Variants in C3orf52 observed in about 807,000 individuals in gnomAD.
C3orf52 encodes the protein TPA-induced transmembrane protein.
A neutral mutation model predicts 24.8 loss-of-function variants in C3orf52; 22 were observed. That is an observed-to-expected ratio of 0.89 (90% CI 0.63 to 1.27). The LOEUF is 1.27. C3orf52 is among the 50% of genes most tolerant of loss of function. C3orf52 has a pLI of 0.00. For missense variants in C3orf52, 265 were observed against 260.7 expected, an observed-to-expected ratio of 1.02 and a Z score of -0.11; for synonymous variants, 93 against 100.2, an observed-to-expected ratio of 0.93 and a Z score of 0.43.
chr3:112,089,420 C>T (rs2107772882), intron 1 of C3orf52, among the ~76,000 whole-genome samples: 1 of 150,692 alleles, frequency 6.6e-6, no homozygotes, highest in South Asian at 2.1e-4. Flanking sequence ...CCTAGCTACT[C>T]AGGAAGGCTG....
chr3:112,127,182 GA>G, intron 4 of C3orf52: 1 of 540,914 alleles, frequency 1.8e-6, no homozygotes, highest in Non-Finnish European at 3.2e-6. Flanking sequence ...AAGTAAAAAA[GA>G]AAAAAGTAAA....
intron 1 of C3orf52, among the ~76,000 whole-genome samples, chr3:112,088,522 G>A (rs1011935424): frequency 1.3e-5 from 2 of 152,214 alleles, no homozygotes; most frequent in Admixed American, 1.3e-4. Context: ...ATTCTGGTTT[G>A]TCAGATTGAA....
At chr3:112,126,024 G>A (rs899521119) in intron 4 of C3orf52, among the ~76,000 whole-genome samples, 3 of 152,080 alleles carry the variant, frequency 2.0e-5, no homozygotes, top group Admixed American at 1.3e-4. Flanking sequence ...ACATTCTCTC[G>A]GTCCTCACAT....
At chr3:112,102,048 T>C (rs1411591173) in intron 2 of C3orf52, among the ~76,000 whole-genome samples, 1 of 152,148 alleles carries the variant, frequency 6.6e-6, no homozygotes, top group African/African-American at 2.4e-5. Flanking sequence ...CCTGGGGCTC[T>C]GAATATAGTT....
chr3:112,119,372 TAACAAACAAACA>T (rs61174992), downstream of C3orf52: 2 of 681,538 alleles, frequency 2.9e-6, no homozygotes, highest in East Asian at 2.7e-5. Context: ...TGAAACTCCA[TAACAAACAAACA>T]AACAAACAAA....
downstream of C3orf52, chr3:112,132,676 G>C: frequency 1.6e-5 from 16 of 987,400 alleles, no homozygotes; most frequent in Non-Finnish European, 1.9e-5. Flanking sequence ...GACTCAAGGT[G>C]GCAGGAAGCT....
Position 112,117,104 on chromosome 3 carries a change from A to G in C3orf52, c.*458A>G. The G allele has an allele frequency of 1.6e-6, 1 of 617,874 alleles. No homozygotes were observed. The highest frequency in any genetic ancestry group is 2.2e-5 in the South Asian group (1 of 46,098). 38.3% of individuals were successfully genotyped at this position (617,874 alleles called of 1,614,324 possible). On this transcript the variant is annotated 3_prime_UTR_variant, in exon 6 of 6. Transcript: ENST00000264848. ...GGTGCACTGTCTTCTTTTAGGTGGG[A>G]TCGCGTAAGCATGAGCTGGTAGAGC...
At chr3:112,105,922 C>T (rs1282440067) in intron 3 of C3orf52, among the ~76,000 whole-genome samples, 1 of 152,154 alleles carries the variant, frequency 6.6e-6, no homozygotes, top group Non-Finnish European at 1.5e-5. Flanking sequence ...TCCAAAACCC[C>T]CACCTTGGGT....
chr3:112,096,182 A>G (rs1229057092), intron 2 of C3orf52, among the ~76,000 whole-genome samples: 1 of 152,200 alleles, frequency 6.6e-6, no homozygotes, highest in Non-Finnish European at 1.5e-5. Context: ...TTTGTTCTTC[A>G]GTAGGCAGGT....
chr3:112,109,606 G>A lies in C3orf52; in HGVS notation c.460G>A (p.Asp154Asn). 1 of 1,586,706 alleles carries A rather than the reference G, an allele frequency of 6.3e-7. No individual in the cohort carries two copies. Among genetic ancestry groups the A allele is most frequent in the African/African-American group, 1.3e-5 (1 of 74,496 alleles). Residue 154 changes from aspartate to asparagine, a missense_variant, in exon 4 of 6, where the codon GAC becomes AAC. By Grantham distance (23) the Asp-to-Asn change is conservative. Coordinates refer to ENST00000264848, the MANE Select transcript of C3orf52 (RefSeq NM_024616.3). ...GRYFTSVEIVDFSGENATVTY... is the reference protein window; with the variant it reads ...GRYFTSVEIVNFSGENATVTY... ...TTATTTTACTTCAGTTGAAATAGTG[G>A]ACTTCAGGTAAGAGTGTGGAACATT... is the stretch of plus-strand genomic sequence containing the variant.
At chr3:112,126,116 T>C (rs1159073758) in intron 4 of C3orf52, among the ~76,000 whole-genome samples, 1 of 152,200 alleles carries the variant, frequency 6.6e-6, no homozygotes, top group South Asian at 2.1e-4. Context: ...ATCTTCAGCA[T>C]AGAGTTTTAG....
At chr3:112,104,299 A>T (rs763453916) in intron 3 of C3orf52, among the ~76,000 whole-genome samples, 1 of 152,194 alleles carries the variant, frequency 6.6e-6, no homozygotes, top group Non-Finnish European at 1.5e-5. Flanking sequence ...TCATCCTGTC[A>T]AAGACAAGGT....
downstream of C3orf52, chr3:112,130,863 A>G (rs2107814335): frequency 3.3e-6 from 1 of 306,586 alleles, no homozygotes; most frequent in Non-Finnish European, 6.3e-6. Flanking sequence ...TCTTTGGTGC[A>G]GTTCCAGGAG....
chr3:112,088,685 A>G (rs71315895), intron 1 of C3orf52, among the ~76,000 whole-genome samples: 157 of 151,992 alleles, frequency 1.0e-3, no homozygotes, highest in Middle Eastern at 3.4e-3. Flanking sequence ...CTATCTATCT[A>G]TTATCTATCA....
At chr3:112,091,844 T>A (rs896079558) in intron 1 of C3orf52, among the ~76,000 whole-genome samples, 1 of 151,812 alleles carries the variant, frequency 6.6e-6, no homozygotes, top group East Asian at 1.9e-4. Flanking sequence ...CTCTACTAAA[T>A]ATACAAAAAA....
At chr3:112,106,819 G>GT (rs2074029766) in intron 3 of C3orf52, among the ~76,000 whole-genome samples, 1 of 152,162 alleles carries the variant, frequency 6.6e-6, no homozygotes, top group Non-Finnish European at 1.5e-5. Context: ...ACCACACCCT[G>GT]TGCATGGGTT....
intron 4 of C3orf52, chr3:112,123,691 T>C: frequency 3.1e-6 from 5 of 1,614,128 alleles, no homozygotes; most frequent in Non-Finnish European, 4.2e-6. Flanking sequence ...TCAGCAGAGT[T>C]CCCTGATGGC....
At chr3:112,119,332 G>T, downstream of C3orf52, 2 of 637,472 alleles carry the variant, frequency 3.1e-6, no homozygotes, top group Non-Finnish European at 2.8e-6. Context: ...CTGAGATCAC[G>T]CCATTGCACT....
intron 1 of C3orf52, among the ~76,000 whole-genome samples, chr3:112,089,091 G>A (rs1274666800): frequency 6.6e-6 from 1 of 152,168 alleles, no homozygotes; most frequent in African/African-American, 2.4e-5. Flanking sequence ...ATAAATTATG[G>A]GTAATAGAGT....
Sources: allele counts gnomAD v4.1 joint callset (sites outside exome capture counted in the v4.1 genomes callset), GRCh38; gene constraint gnomAD v4.1.1; transcripts MANE v1.5; gene names NCBI Gene and HGNC (gene_info 2026-07-23, HGNC 2026-07-21).